PDE4B: variants seen among roughly 807,000 people sequenced by gnomAD.
PDE4B encodes 3',5'-cyclic-AMP phosphodiesterase 4B.
PDE4B carries 20 observed loss-of-function variants against 82.2 expected under a neutral mutation model. The ratio of observed to expected loss-of-function variants is 0.24; its 90% CI spans 0.17 to 0.35. PDE4B has a LOEUF of 0.35. Among genes scored for constraint, PDE4B ranks in the 10% least tolerant of loss-of-function variants. PDE4B has a pLI of 1.00. For missense variants in PDE4B, 655 were observed against 907.2 expected, an observed-to-expected ratio of 0.72 and a Z score of 3.57; for synonymous variants, 320 against 318.9, an observed-to-expected ratio of 1.00 and a Z score of -0.04.
chr1:65,811,126 C>A (rs565662633), intron 1 of PDE4B, among the ~76,000 whole-genome samples: 5 of 152,286 alleles, frequency 3.3e-5, no homozygotes, highest in East Asian at 3.9e-4. Flanking sequence ...GAGGAAATCA[C>A]CTGAAGTTGA....
chr1:66,209,082 C>G (rs1302486180), intron 3 of PDE4B, among the ~76,000 whole-genome samples: 1 of 152,198 alleles, frequency 6.6e-6, no homozygotes, highest in Non-Finnish European at 1.5e-5. Context: ...TCATGCCAGA[C>G]CATGTCATAA....
chr1:66,050,187 A>G (rs1309376500), intron 3 of PDE4B, among the ~76,000 whole-genome samples: 2 of 152,086 alleles, frequency 1.3e-5, no homozygotes, highest in African/African-American at 4.8e-5. Flanking sequence ...CATGAATTCT[A>G]TGTTCAATTG....
intron 3 of PDE4B, among the ~76,000 whole-genome samples, chr1:66,214,054 A>G (rs1282496403): frequency 1.3e-5 from 2 of 152,194 alleles, no homozygotes; most frequent in African/African-American, 4.8e-5. Flanking sequence ...AAGATGAGAC[A>G]TCAGGCCAAA....
chr1:66,007,981 T>G (rs1325046019), intron 3 of PDE4B, among the ~76,000 whole-genome samples: 1 of 152,092 alleles, frequency 6.6e-6, no homozygotes, highest in African/African-American at 2.4e-5. Context: ...AGGTATATCA[T>G]TACACAACCC....
At chr1:66,238,817 T>A (rs1652664077) in intron 3 of PDE4B, among the ~76,000 whole-genome samples, 1 of 152,184 alleles carries the variant, frequency 6.6e-6, no homozygotes, top group Non-Finnish European at 1.5e-5. Flanking sequence ...TAGCCAAGTC[T>A]TGAAGAATTA....
rs781065505 is a variant in PDE4B, at chr1:66,166,590, C to T, written c.282-80870C>T. On this transcript the variant is annotated intron_variant, in intron 3 of 16. Transcript: ENST00000341517. ...CTCTACTAAAAATAAAAAAGTTAGCCGGGCATGGTGGCGTGCACCTGTAAT... is the reference window on the plus strand; with the variant it reads ...CTCTACTAAAAATAAAAAAGTTAGCTGGGCATGGTGGCGTGCACCTGTAAT... Among the ~76,000 whole-genome samples, 13 of 151,954 alleles carry T rather than the reference C, an allele frequency of 8.6e-5. No homozygotes were observed. In the Middle Eastern group the frequency reaches 0.014, roughly 159 times the overall value.
At chr1:66,365,639 T>C in intron 12 of PDE4B, 28 bp from the exon 13 acceptor site, 3 of 1,328,298 alleles carry the variant, frequency 2.3e-6, no homozygotes, top group Non-Finnish European at 3.2e-6. Context: ...ATTGGATGTG[T>C]AGTTAAATGT....
chr1:65,897,443 G>A (rs1423995186), intron 1 of PDE4B, among the ~76,000 whole-genome samples: 1 of 152,014 alleles, frequency 6.6e-6, no homozygotes, highest in Non-Finnish European at 1.5e-5. Flanking sequence ...TAATACTGAG[G>A]TTTGGAGTAT....
chr1:65,906,388 A>G (rs1647028413), intron 1 of PDE4B, among the ~76,000 whole-genome samples: 1 of 152,156 alleles, frequency 6.6e-6, no homozygotes. Context: ...CAGGTTATTA[A>G]TAGATTTGAA....
intron 6 of PDE4B, among the ~76,000 whole-genome samples, chr1:66,260,585 T>C (rs1363186926): frequency 6.6e-6 from 1 of 152,176 alleles, no homozygotes; most frequent in Non-Finnish European, 1.5e-5. Flanking sequence ...ACCACTACAT[T>C]GCACAGCACT....
intron 1 of PDE4B, among the ~76,000 whole-genome samples, chr1:65,867,949 C>T (rs1571039848): frequency 6.6e-6 from 1 of 152,142 alleles, no homozygotes; most frequent in Admixed American, 6.5e-5. Context: ...CTAGTGCACT[C>T]GAGAGTCTAC....
intron 3 of PDE4B, among the ~76,000 whole-genome samples, chr1:66,135,466 A>C (rs373296930): frequency 1.3e-5 from 2 of 152,220 alleles, no homozygotes; most frequent in East Asian, 3.8e-4. Flanking sequence ...CAATAAGAAT[A>C]GAGTGTGAAG....
At position 65,850,861 on chromosome 1, in the gene PDE4B, C is replaced by T. The variant is rs114502197; in HGVS notation, c.-71+57613C>T. 2.4e-3 allele frequency among the ~76,000 whole-genome samples: 369 copies of T among 152,224 alleles called. 3 individuals are homozygous for T. The highest frequency in any genetic ancestry group is 8.2e-3 in the African/African-American group (340 of 41,532). On this transcript the variant is annotated intron_variant, in intron 1 of 16. Transcript: ENST00000341517. ...AACACTTTGTGCTTTTCTTTCCTAT[C>T]GAAGAAATCTTTACCTAGGTAACAA...
chr1:66,144,396 T>G, intron 3 of PDE4B, among the ~76,000 whole-genome samples: 1 of 152,230 alleles, frequency 6.6e-6, no homozygotes, highest in East Asian at 1.9e-4. Flanking sequence ...ATAAATAGTT[T>G]GGATTTGAAA....
intron 3 of PDE4B, among the ~76,000 whole-genome samples, chr1:66,186,417 A>C (rs1258362120): frequency 6.6e-6 from 1 of 152,148 alleles, no homozygotes; most frequent in South Asian, 2.1e-4. Flanking sequence ...TCTATAAATC[A>C]CCTTGGGCAG....
chr1:66,332,048 G>A (rs1445850534), intron 7 of PDE4B: 28 of 1,066,546 alleles, frequency 2.6e-5, no homozygotes, highest in Non-Finnish European at 3.2e-5. Context: ...TAGAAGAAAA[G>A]CAAAATGAGA....
At chr1:66,224,346 G>A (rs1385155790) in intron 3 of PDE4B, among the ~76,000 whole-genome samples, 1 of 152,104 alleles carries the variant, frequency 6.6e-6, no homozygotes, top group African/African-American at 2.4e-5. Context: ...CCAAAATTCT[G>A]GGCAAAATTT....
chr1:65,992,222 T>TA (rs1191289649), intron 3 of PDE4B, among the ~76,000 whole-genome samples: 1 of 152,216 alleles, frequency 6.6e-6, no homozygotes, highest in Non-Finnish European at 1.5e-5. Context: ...TTGACAATCC[T>TA]GGATTTAATC....
chr1:66,209,333 A>G (rs79176036), intron 3 of PDE4B, among the ~76,000 whole-genome samples: 3,003 of 152,304 alleles, frequency 0.02, 52 homozygotes, highest in Non-Finnish European at 0.028. Flanking sequence ...AACTCACTGT[A>G]AAAGGCATGA....
Sources: allele counts gnomAD v4.1 joint callset (sites outside exome capture counted in the v4.1 genomes callset), GRCh38; gene constraint gnomAD v4.1.1; transcripts MANE v1.5; gene names NCBI Gene and HGNC (gene_info 2026-07-23, HGNC 2026-07-21).